Variants in L3MBTL1 observed in about 807,000 individuals in gnomAD.
L3MBTL1 encodes the protein lethal(3)malignant brain tumor-like protein 1.
L3MBTL1 carries 75 observed loss-of-function variants against 105.3 expected under a neutral mutation model. The ratio of observed to expected loss-of-function variants is 0.71; its 90% CI spans 0.59 to 0.86. The LOEUF is 0.86. Ranked by LOEUF, L3MBTL1 falls within the 40% of genes least tolerant of loss-of-function variation. The pLI is 0.00. For missense variants in L3MBTL1, 1,069 were observed against 1,126.4 expected (o/e 0.95, Z 0.73); for synonymous variants, 452 against 436.2 (o/e 1.04, Z -0.45).
intron 21 of L3MBTL1, 44 bp from the exon 22 acceptor site, chr20:43,540,890 C>G (rs977388670): frequency 6.2e-7 from 1 of 1,612,046 alleles, no homozygotes; most frequent in African/African-American, 1.3e-5. Flanking sequence ...GGTGCCCTCC[C>G]CAGCGTCACT....
chr20:43,522,457 G>GTTTTGTTTTT (rs2018770665), intron 7 of L3MBTL1, among the ~76,000 whole-genome samples: 1 of 95,896 alleles, frequency 1.0e-5, no homozygotes, highest in Non-Finnish European at 1.9e-5. Flanking sequence ...TCCCTGCTAA[G>GTTTTGTTTTT]TTTTTTTTTT....
rs1236293939 is a variant in L3MBTL1 at position 43,534,782 on chromosome 20, G to A, written c.1711-46G>A. The A allele has an allele frequency of 2.1e-6, 3 of 1,417,246 alleles. No homozygotes were observed. In the African/African-American group the frequency reaches 4.3e-5, roughly 20 times the overall value. 87.8% of individuals were successfully genotyped at this position (1,417,246 alleles called of 1,614,324 possible). On this transcript the variant is annotated intron_variant, in intron 15 of 21. Coordinates refer to ENST00000418998, the MANE Select transcript of L3MBTL1 (RefSeq NM_001377303.1). ...GGGGAGAGGACCTTCTGGCTGAGCT[G>A]GGCTCCATGAGAAACGCCTGACTTC...
At chr20:43,514,960 G>C in intron 4 of L3MBTL1, 49 bp from the exon 5 acceptor site, 1 of 1,597,802 alleles carries the variant, frequency 6.3e-7, no homozygotes, top group Non-Finnish European at 8.5e-7. Flanking sequence ...CGGAGCCTGA[G>C]TGTGGCTGCG....
Position 43,522,456 on chromosome 20 carries a change from AG to A in L3MBTL1, c.863-6200del, listed in dbSNP as rs1436776441. Reference sequence around the variant, plus strand: ...ATGGTAACTGAATTTTTCCCTGCTAAGTTTTTTTTTTTTTTTTTTTTTTTTT... The same window carrying A: ...ATGGTAACTGAATTTTTCCCTGCTAATTTTTTTTTTTTTTTTTTTTTTTTT... On this transcript the variant is annotated intron_variant, in intron 7 of 21. Transcript: ENST00000418998. 5.6e-3 allele frequency among the ~76,000 whole-genome samples: 504 copies of A among 89,908 alleles called. 53 individuals carry two copies. The highest frequency in any genetic ancestry group is 0.021 in the Middle Eastern group (3 of 140). 59.0% of individuals were successfully genotyped at this position (89,908 alleles called of 152,430 possible). A position where few individuals can be genotyped will look rare whatever the true frequency, so the allele number is the denominator to read the frequency against.
chr20:43,510,409 T>TCTTTCTTTCTTTCTTTC (rs548216947), intron 1 of L3MBTL1, among the ~76,000 whole-genome samples: 11 of 141,962 alleles, frequency 7.7e-5, no homozygotes, highest in African/African-American at 3.0e-4. Flanking sequence ...TTTCTTTCTT[T>TCTTTCTTTCTTTCTTTC]TTTTTTTTTT....
chr20:43,532,781 A>G lies in L3MBTL1; in HGVS notation c.1293A>G (p.Pro431=), dbSNP rs889186455. 2.5e-6 allele frequency: 4 copies of G among 1,613,492 alleles called. No individual in the cohort carries two copies. Among genetic ancestry groups the G allele is most frequent in the Non-Finnish European group, 3.4e-6 (4 of 1,179,890 alleles). ...HLFVSQSHSP[P]PLGFQVGMKL... Reference sequence around the variant, plus strand: ...TCCTTTTTTTCCCCTAGAGTCCCCCACCCCTGGGCTTCCAGGTGGGCATGA... The same window carrying G: ...TCCTTTTTTTCCCCTAGAGTCCCCCGCCCCTGGGCTTCCAGGTGGGCATGA... Residue 431 remains proline, a synonymous_variant, in exon 12 of 22, where the codon CCA becomes CCG. Coordinates refer to ENST00000418998, the MANE Select transcript of L3MBTL1 (RefSeq NM_001377303.1).
chr20:43,508,194 C>CT (rs765428033), intron 1 of L3MBTL1, among the ~76,000 whole-genome samples: 6,073 of 141,872 alleles, frequency 0.043, 227 homozygotes, highest in South Asian at 0.13. Context: ...GTTTCTCTCT[C>CT]TTTTTTTTTT....
intron 7 of L3MBTL1, among the ~76,000 whole-genome samples, chr20:43,520,123 AT>A (rs1468029573): frequency 3.3e-5 from 5 of 152,096 alleles, no homozygotes; most frequent in African/African-American, 1.2e-4. Context: ...TGTATACCAG[AT>A]TTGCCTATTT....
At chr20:43,526,504 C>T (rs1220636460) in intron 7 of L3MBTL1, among the ~76,000 whole-genome samples, 5 of 152,106 alleles carry the variant, frequency 3.3e-5, no homozygotes, top group African/African-American at 1.2e-4. Flanking sequence ...AAAGGATAGC[C>T]GGAAGAGATG....
At chr20:43,527,181 A>G (rs1053212200) in intron 7 of L3MBTL1, among the ~76,000 whole-genome samples, 1 of 152,188 alleles carries the variant, frequency 6.6e-6, no homozygotes, top group African/African-American at 2.4e-5. Context: ...TTATACATAG[A>G]TCTGACTTAA....
At chr20:43,516,297 G>A (rs2145387264) in intron 7 of L3MBTL1, 120 bp downstream of exon 7, 2 of 721,884 alleles carry the variant, frequency 2.8e-6, no homozygotes, top group South Asian at 1.6e-5. Flanking sequence ...ATGAGCATGA[G>A]TTAGTGTGTG....
intron 7 of L3MBTL1, among the ~76,000 whole-genome samples, chr20:43,522,776 G>T (rs1394140367): frequency 7.3e-6 from 1 of 136,638 alleles, no homozygotes. Context: ...CCGGCCAACG[G>T]TGTCTTTTTT....
chr20:43,513,512 G>A lies in L3MBTL1; in HGVS notation c.9G>A (p.Gly3=), dbSNP rs2018194590. ME[G]HAEMEMLRTL... ...TGGAGGGGCATGCTGGGATGGAGGG[G>A]CATGCTGAAATGGAGATGCTGAGGA... The change falls in exon 2 of 22, where the codon GGG becomes GGA. Residue 3 remains glycine, a synonymous_variant. Transcript: ENST00000418998. The A allele has an allele frequency of 2.6e-6, 4 of 1,550,588 alleles. No homozygotes were observed. Among genetic ancestry groups the A allele is most frequent in the African/African-American group, 2.7e-5 (2 of 73,038 alleles).
chr20:43,529,504 A>G, intron 9 of L3MBTL1, 136 bp downstream of exon 9: 1 of 681,896 alleles, frequency 1.5e-6, no homozygotes, highest in East Asian at 2.7e-5. Context: ...GCTGGAATAC[A>G]TAGAAAGCTT....
chr20:43,549,683 G>T (rs1482690272), exon 19 of L3MBTL1: 5 of 152,292 alleles, frequency 3.3e-5, no homozygotes, highest in African/African-American at 1.2e-4. Flanking sequence ...TGTGGGGCTG[G>T]TGCCTTCACC....
chr20:43,513,833 T>G lies in L3MBTL1; in HGVS notation c.137-5T>G. On this transcript the variant is annotated splice_polypyrimidine_tract_variant and splice_region_variant and intron_variant, in intron 2 of 21. Coordinates refer to ENST00000418998, the MANE Select transcript of L3MBTL1 (RefSeq NM_001377303.1). ...TGTCGTGTCTATTTGTATATCTGTT[T>G]ACAGCCAGTTCGGCCACCCTCGGCC... The G allele has an allele frequency of 6.4e-7, 1 of 1,550,604 alleles. No homozygotes were observed. The highest frequency in any genetic ancestry group is 2.4e-5 in the East Asian group (1 of 40,924).
intron 7 of L3MBTL1, among the ~76,000 whole-genome samples, chr20:43,520,995 G>T (rs1053368646): frequency 2.6e-5 from 4 of 152,138 alleles, no homozygotes; most frequent in Non-Finnish European, 5.9e-5. Context: ...AATTTTAATG[G>T]CTGACACCAG....
chr20:43,514,439 C>T (rs1274331004), intron 3 of L3MBTL1, 196 bp from the exon 4 acceptor site: 3 of 1,483,088 alleles, frequency 2.0e-6, no homozygotes, highest in African/African-American at 2.8e-5. Context: ...GGACTGGACC[C>T]CGCAGGTGCT....
chr20:43,510,664 A>C (rs879650378), intron 1 of L3MBTL1, among the ~76,000 whole-genome samples: 3 of 151,318 alleles, frequency 2.0e-5, no homozygotes, highest in Non-Finnish European at 4.4e-5. Context: ...TGATCTACCC[A>C]CCTCGGCTTC....
Sources: gnomAD v4.1 joint callset for allele counts (sites outside exome capture counted in the v4.1 genomes callset) on GRCh38, gnomAD v4.1.1 for gene constraint, MANE v1.5 for transcripts, NCBI Gene and HGNC (gene_info 2026-07-23, HGNC 2026-07-21) for gene names.